The following SEMA3A variants were observed in gnomAD, a reference collection of about 807,000 sequenced individuals.
The protein encoded by SEMA3A is semaphorin-3A.
SEMA3A carries 29 observed loss-of-function variants against 97.9 expected under a neutral mutation model. The observed-to-expected ratio is 0.30, with a 90% CI of 0.22 to 0.40. The LOEUF is 0.40. Among genes scored for constraint, SEMA3A ranks in the 10% least tolerant of loss-of-function variants. SEMA3A has a pLI of 1.00. For synonymous variants in SEMA3A, 321 were observed against 323.7 expected (o/e 0.99, Z 0.09); for missense variants, 763 against 951.3 (o/e 0.80, Z 2.60).
chr7:84,169,171 A>C (rs1343843311), intron 1 of SEMA3A, among the ~76,000 whole-genome samples: 1 of 151,564 alleles, frequency 6.6e-6, no homozygotes, highest in Non-Finnish European at 1.5e-5. Context: ...AAATATTTCT[A>C]TTTCTATTTA....
intron 4 of SEMA3A, among the ~76,000 whole-genome samples, chr7:84,109,386 G>A (rs1387064810): frequency 1.3e-5 from 2 of 152,160 alleles, no homozygotes; most frequent in African/African-American, 4.8e-5. Context: ...AGGAGCCACT[G>A]GCAACTGGTG....
intron 6 of SEMA3A, among the ~76,000 whole-genome samples, chr7:84,038,527 G>C (rs540389834): frequency 2.0e-5 from 3 of 151,908 alleles, no homozygotes; most frequent in Non-Finnish European, 4.4e-5. Flanking sequence ...TTGAAAAGGA[G>C]AAATTGATCA....
intron 3 of SEMA3A, among the ~76,000 whole-genome samples, chr7:84,284,125 A>C (rs1298325212): frequency 2.0e-5 from 3 of 152,140 alleles, no homozygotes; most frequent in Non-Finnish European, 4.4e-5. Context: ...TGTATGATAC[A>C]AGGAAATGAG....
intron 12 of SEMA3A, among the ~76,000 whole-genome samples, chr7:83,987,309 A>G (rs1411895373): frequency 1.3e-5 from 2 of 152,100 alleles, no homozygotes; most frequent in Admixed American, 6.6e-5. Context: ...TGAGAAAAAA[A>G]TCTGAGGATA....
chr7:84,069,686 C>T (rs999760711), intron 4 of SEMA3A, among the ~76,000 whole-genome samples: 9 of 151,752 alleles, frequency 5.9e-5, no homozygotes, highest in East Asian at 5.8e-4. Flanking sequence ...ATATAACTGC[C>T]GATTCATTAA....
At chr7:84,214,697 C>CTTTTT (rs754365106) in intron 3 of SEMA3A, among the ~76,000 whole-genome samples, 1 of 130,986 alleles carries the variant, frequency 7.6e-6, no homozygotes. Context: ...TTAGAGCTTA[C>CTTTTT]TTTTTTTTTT....
intron 1 of SEMA3A, among the ~76,000 whole-genome samples, chr7:84,386,038 A>G (rs1041442973): frequency 6.6e-6 from 1 of 152,182 alleles, no homozygotes; most frequent in Non-Finnish European, 1.5e-5. Context: ...TTATTCTAAG[A>G]TTTTTTATTG....
At chr7:84,011,928 A>T (rs944784761) in intron 7 of SEMA3A, among the ~76,000 whole-genome samples, 1 of 152,202 alleles carries the variant, frequency 6.6e-6, no homozygotes, top group African/African-American at 2.4e-5. Flanking sequence ...AAATCTTGTC[A>T]TTTGAGACAA....
rs149953379 is a variant in SEMA3A at position 84,011,031 on chromosome 7, G to A, written c.986C>T (p.Thr329Met). Reference protein sequence around the residue: ...PKNPVVYGVFTTSSNIFKGSA... With the variant: ...PKNPVVYGVFMTSSNIFKGSA... ...TTAAAAAGTTACTTACCTGGAAGTC[G>A]TAAACACTCCATATACAACTGGATT... is the stretch of plus-strand genomic sequence containing the variant. The change falls in exon 9 of 17, where the codon ACG becomes ATG. Residue 329 changes from threonine (T) to methionine (M), a missense_variant. Around this residue, in one of 2 missense-constraint regions of SEMA3A, gnomAD observed 678 missense variants for 881.3 expected, o/e 0.77. Coordinates refer to ENST00000265362, the MANE Select transcript of SEMA3A (RefSeq NM_006080.3). 65 of 1,606,152 alleles carry A rather than the reference G, an allele frequency of 4.0e-5. No individual in the cohort carries two copies. The highest frequency in any genetic ancestry group is 2.4e-4 in the South Asian group (22 of 90,676).
intron 6 of SEMA3A, among the ~76,000 whole-genome samples, chr7:84,020,348 A>C (rs1218780043): frequency 6.6e-6 from 1 of 151,464 alleles, no homozygotes; most frequent in East Asian, 1.9e-4. Context: ...CCAGCTGTTA[A>C]TGATCTTATA....
At chr7:83,964,506 GC>G (rs1698647732) in intron 15 of SEMA3A, among the ~76,000 whole-genome samples, 1 of 152,050 alleles carries the variant, frequency 6.6e-6, no homozygotes, top group South Asian at 2.1e-4. Flanking sequence ...TAGGTTTAAA[GC>G]CTTCAAAAAT....
At chr7:84,360,124 G>A (rs1055908316) in intron 2 of SEMA3A, among the ~76,000 whole-genome samples, 1 of 151,834 alleles carries the variant, frequency 6.6e-6, no homozygotes, top group African/African-American at 2.4e-5. Context: ...AGGGTTTTTT[G>A]TGTCTCTATC....
chr7:84,028,181 A>G (rs572636235), intron 6 of SEMA3A, among the ~76,000 whole-genome samples: 1 of 152,198 alleles, frequency 6.6e-6, no homozygotes, highest in Non-Finnish European at 1.5e-5. Flanking sequence ...GTGGAAGACA[A>G]AGGTTTATAG....
At chr7:83,986,874 G>A (rs1584507976) in intron 12 of SEMA3A, among the ~76,000 whole-genome samples, 1 of 151,970 alleles carries the variant, frequency 6.6e-6, no homozygotes, top group Non-Finnish European at 1.5e-5. Context: ...TGATAAGACT[G>A]AATGAATTAA....
At chr7:84,023,869 G>A (rs528840864) in intron 6 of SEMA3A, among the ~76,000 whole-genome samples, 120 of 152,114 alleles carry the variant, frequency 7.9e-4, no homozygotes, top group African/African-American at 2.7e-3. Flanking sequence ...AAAGTTAGCC[G>A]GGTGTGGTGG....
At chr7:84,376,468 G>A (rs1345001594) in intron 1 of SEMA3A, among the ~76,000 whole-genome samples, 3 of 142,654 alleles carry the variant, frequency 2.1e-5, no homozygotes, top group South Asian at 4.7e-4. Flanking sequence ...GCCGGGCGTG[G>A]TGGCGGGCGC....
intron 1 of SEMA3A, among the ~76,000 whole-genome samples, chr7:84,485,713 T>G (rs17159089): frequency 0.039 from 5,871 of 152,238 alleles, 196 homozygotes; most frequent in Non-Finnish European, 0.052. Context: ...ACTAACAATT[T>G]TCTCTACTTT....
At chr7:84,423,994 A>T (rs1804673435) in intron 1 of SEMA3A, among the ~76,000 whole-genome samples, 1 of 151,900 alleles carries the variant, frequency 6.6e-6, no homozygotes, top group Admixed American at 6.6e-5. Flanking sequence ...CAAAAACAAT[A>T]GATGTTGGCA....
intron 1 of SEMA3A, among the ~76,000 whole-genome samples, chr7:84,468,078 C>T (rs1302031882): frequency 6.6e-6 from 1 of 152,136 alleles, no homozygotes; most frequent in African/African-American, 2.4e-5. Flanking sequence ...AGAGTAAATC[C>T]TTGGAAATAA....
Sources: allele counts gnomAD v4.1 joint callset (sites outside exome capture counted in the v4.1 genomes callset), GRCh38; gene constraint gnomAD v4.1.1; regional missense constraint gnomAD v4.1.1; transcripts MANE v1.5; gene names NCBI Gene and HGNC (gene_info 2026-07-23, HGNC 2026-07-21).